Variants in RNF41 observed in about 807,000 individuals in gnomAD.
The protein encoded by RNF41 is E3 ubiquitin-protein ligase NRDP1.
In RNF41, 4 loss-of-function variants were observed where a neutral mutation model predicts 33.0. The ratio of observed to expected loss-of-function variants is 0.12; its 90% CI spans 0.06 to 0.28. The LOEUF is 0.28. RNF41 is among the 10% of genes least tolerant of loss of function. The probability of loss-of-function intolerance (pLI) is 1.00; values close to 1 mark genes in which losing one functional copy is unlikely to be tolerated. For missense variants in RNF41, 228 were observed against 432.6 expected (o/e 0.53, Z 4.19); for synonymous variants, 164 against 153.2 (o/e 1.07, Z -0.52).
At chr12:56,221,152 ACCCAATTTCC>A (rs1432228986) in intron 1 of RNF41, among the ~76,000 whole-genome samples, 2 of 151,386 alleles carry the variant, frequency 1.3e-5, no homozygotes, top group Non-Finnish European at 2.9e-5. Context: ...CCTCCCCACT[ACCCAATTTCC>A]CAAAGTCCTG....
intron 1 of RNF41, among the ~76,000 whole-genome samples, chr12:56,219,635 G>T (rs1442690897): frequency 6.6e-6 from 1 of 150,786 alleles, no homozygotes; most frequent in African/African-American, 2.4e-5. Context: ...GTAATATAAG[G>T]TGTATATATG....
chr12:56,208,348 T>A, intron 4 of RNF41, 50 bp from the exon 5 acceptor site: 1 of 1,599,560 alleles, frequency 6.3e-7, no homozygotes. Flanking sequence ...CCCTGGGACA[T>A]GTATGCAAAT....
chr12:56,212,900 T>A, intron 3 of RNF41: 1 of 867,614 alleles, frequency 1.2e-6, no homozygotes, highest in Non-Finnish European at 1.6e-6. Flanking sequence ...AGAGAAAGGA[T>A]TAATTGGTAT....
chr12:56,207,345 G>T, intron 6 of RNF41: 1 of 1,209,804 alleles, frequency 8.3e-7, no homozygotes, highest in Non-Finnish European at 1.1e-6. Context: ...TTTCTTTTTG[G>T]CCCTCCTAGC....
At chr12:56,217,765 G>T (rs1439746041) in intron 1 of RNF41, among the ~76,000 whole-genome samples, 1 of 152,008 alleles carries the variant, frequency 6.6e-6, no homozygotes, top group African/African-American at 2.4e-5. Context: ...ATTGGAGCAT[G>T]AACCCTATTG....
Position 56,206,366 on chromosome 12 carries a change from G to T in RNF41, c.*81C>A. The T allele has an allele frequency of 1.7e-6, 2 of 1,193,566 alleles. No homozygotes were observed. The highest frequency in any genetic ancestry group is 2.4e-6 in the Non-Finnish European group (2 of 832,826). The allele number at this position is 1,193,566 out of a possible 1,614,324, so 73.9% of individuals were successfully genotyped here. A position where few individuals can be genotyped will look rare whatever the true frequency, so the allele number is the denominator to read the frequency against. On this transcript the variant is annotated 3_prime_UTR_variant, in exon 7 of 7. Transcript: ENST00000345093. This position sits in a 1 kb window ranked among gnomAD's most constrained non-coding sequence, Gnocchi z 5.7. ...GGTATAAGCCACAGTATTAAGAATG[G>T]TGGGTAGGACTCAGGTCCCAGCTGC...
In RNF41 at chr12:56,208,286, G is replaced by C. The variant is rs759809592; in HGVS notation, c.375C>G (p.Pro125=). 4.3e-6 allele frequency: 7 copies of C among 1,613,986 alleles called. No individual in the cohort carries two copies. The highest frequency in any genetic ancestry group is 5.9e-6 in the Non-Finnish European group (7 of 1,180,052). ...TCEQGCGLEM[P]KDELPNHNCI... ...AGTTATGGTTGGGCAGCTCATCTTT[G>C]GGCATCTCCAGGCTGCAGACCAGGG... The change falls in exon 5 of 7, where the codon CCC becomes CCG. Residue 125 remains proline (P), a synonymous_variant. Transcript: ENST00000345093.
intron 3 of RNF41, chr12:56,212,904 T>C: frequency 1.1e-6 from 1 of 886,706 alleles, no homozygotes; most frequent in South Asian, 1.4e-5. Context: ...AAAGGATTAA[T>C]TGGTATTTAC....
At chr12:56,213,160 A>G in intron 3 of RNF41, 1 of 1,284,000 alleles carries the variant, frequency 7.8e-7, no homozygotes, top group South Asian at 1.2e-5. Flanking sequence ...ATCCCAGGAA[A>G]AAAATAGGTC....
In RNF41 at chr12:56,210,327, T is replaced by C. The variant is rs777045424; in HGVS notation, c.332A>G (p.Lys111Arg). The C allele has an allele frequency of 5.6e-6, 9 of 1,614,032 alleles. No homozygotes were observed. The highest frequency in any genetic ancestry group is 6.8e-6 in the Non-Finnish European group (8 of 1,179,922). ...SHLSDCEHNP[K>R]RPVTCEQGCG... ...GCCCTGTTCACAGGTCACAGGCCGCTTCGGGTTGTGCTCACAGTCGCTGAG... is the reference window on the plus strand; with the variant it reads ...GCCCTGTTCACAGGTCACAGGCCGCCTCGGGTTGTGCTCACAGTCGCTGAG... Residue 111 changes from lysine to arginine, a missense_variant, in exon 4 of 7, where the codon AAG becomes AGG. Around this residue, in one of 2 missense-constraint regions of RNF41, gnomAD observed 199 missense variants for 334.6 expected, o/e 0.59. Coordinates refer to ENST00000345093, the MANE Select transcript of RNF41 (RefSeq NM_005785.4).
In RNF41 at chr12:56,207,628, G is replaced by A. The variant is rs750573619; in HGVS notation, c.602+18C>T. On this transcript the variant is annotated intron_variant, in intron 6 of 6. Coordinates refer to ENST00000345093, the MANE Select transcript of RNF41 (RefSeq NM_005785.4). The stretch of plus-strand genomic sequence containing the variant: ...TTGTCAGGACATGAAATCACTCCAC[G>A]TCCTGAGTGACACTCACTCTAGGAT... 40 of 1,555,030 alleles carry A rather than the reference G, an allele frequency of 2.6e-5. No individual in the cohort carries two copies. Among genetic ancestry groups the A allele is most frequent in the South Asian group, 3.3e-5 (3 of 89,914 alleles).
intron 3 of RNF41, chr12:56,212,960 C>T (rs772210809): frequency 8.6e-6 from 11 of 1,280,764 alleles, no homozygotes; most frequent in South Asian, 2.5e-5. Context: ...CCCATGAATA[C>T]AACTCTTAAG....
At chr12:56,212,537 C>T (rs2135807507) in intron 3 of RNF41, among the ~76,000 whole-genome samples, 1 of 152,126 alleles carries the variant, frequency 6.6e-6, no homozygotes, top group South Asian at 2.1e-4. Flanking sequence ...ATGATAGTGC[C>T]AGAAAACAGA....
intron 1 of RNF41, among the ~76,000 whole-genome samples, chr12:56,217,742 G>A (rs953856972): frequency 5.3e-5 from 8 of 152,076 alleles, no homozygotes; most frequent in Non-Finnish European, 1.0e-4. Context: ...ATCAGCAGCG[G>A]CATTTGATTC....
At chr12:56,208,491 C>T (rs1276874312) in intron 4 of RNF41, 193 bp from the exon 5 acceptor site, 1 of 478,964 alleles carries the variant, frequency 2.1e-6, no homozygotes, top group East Asian at 3.1e-5. Flanking sequence ...CCTTTGCTGT[C>T]TATTTTCCTT....
rs146862018 is a variant in RNF41 at position 56,207,706 on chromosome 12, C to T, written c.542G>A (p.Arg181His). The part of the protein sequence containing the change: ...QLLKAYMRAI[R>H]SVNPNLQNLE... ...GTTCTGAAGGTTGGGGTTGACACTG[C>T]GGATTGCACGCATGTATGCCTTTAG... Residue 181 changes from arginine to histidine, a missense_variant, in exon 6 of 7, where the codon CGC becomes CAC. Around this residue, in one of 2 missense-constraint regions of RNF41, gnomAD observed 199 missense variants for 334.6 expected, o/e 0.59. Transcript: ENST00000345093. 4.3e-6 allele frequency: 7 copies of T among 1,614,006 alleles called. No individual in the cohort carries two copies. The highest frequency in any genetic ancestry group is 2.2e-5 in the East Asian group (1 of 44,902).
rs1282782990 is a variant in RNF41 at position 56,204,668 on chromosome 12, TTAAGGC to T, written c.*1773_*1778del. 3 of 152,656 alleles carry T rather than the reference TTAAGGC, an allele frequency of 2.0e-5. No homozygotes were observed. The highest frequency in any genetic ancestry group is 4.8e-5 in the African/African-American group (2 of 41,412). 9.5% of individuals were successfully genotyped at this position (152,656 alleles called of 1,614,324 possible). ...AAGGACAGGACAGTATGAGCCTTGGTTAAGGCAGGTAGGGGAAAGGGGAGTGGAAGA... is the reference window on the plus strand; with the variant it reads ...AAGGACAGGACAGTATGAGCCTTGGTAGGTAGGGGAAAGGGGAGTGGAAGA... On this transcript the variant is annotated 3_prime_UTR_variant, in exon 7 of 7. Transcript: ENST00000345093.
intron 3 of RNF41, chr12:56,213,136 G>A: frequency 7.8e-7 from 1 of 1,287,446 alleles, no homozygotes; most frequent in Non-Finnish European, 1.0e-6. Context: ...ATCAAAAGCT[G>A]GTCTTTTCAG....
Position 56,207,219 on chromosome 12 carries a change from T to G in RNF41, c.603-421A>C, listed in dbSNP as rs1868286582. The G allele has an allele frequency of 3.0e-6, 4 of 1,327,926 alleles. No individual in the cohort carries two copies. In the South Asian group the frequency reaches 3.7e-5, roughly 12 times the overall value. The allele number at this position is 1,327,926 out of a possible 1,614,324, so 82.3% of individuals were successfully genotyped here. A position where few individuals can be genotyped will look rare whatever the true frequency, so the allele number is the denominator to read the frequency against. ...TCCAGAACTGAAAGAGATCTTAGAC[T>G]TCACTTGTATACTTCGCTTGTTTTT... On this transcript the variant is annotated intron_variant, in intron 6 of 6. Coordinates refer to ENST00000345093, the MANE Select transcript of RNF41 (RefSeq NM_005785.4).
Sources: gnomAD v4.1 joint callset for allele counts (sites outside exome capture counted in the v4.1 genomes callset) on GRCh38, gnomAD v4.1.1 for gene constraint, gnomAD v4.1.1 regional missense constraint, Gnocchi (gnomAD v3.1) non-coding constraint, MANE v1.5 for transcripts, NCBI Gene and HGNC (gene_info 2026-07-23, HGNC 2026-07-21) for gene names.